Variants in CCM2 observed in about 807,000 individuals in gnomAD.
CCM2 encodes cerebral cavernous malformations 2 protein.
CCM2 carries 25 observed loss-of-function variants against 44.9 expected under a neutral mutation model. The observed-to-expected ratio is 0.56, with a 90% CI of 0.41 to 0.78. The LOEUF is 0.78. Ranked by LOEUF, CCM2 falls within the 30% of genes least tolerant of loss-of-function variation. The pLI is 0.00. For missense variants in CCM2, 481 were observed against 580.6 expected, an observed-to-expected ratio of 0.83 and a Z score of 1.76; for synonymous variants, 219 against 241.1, an observed-to-expected ratio of 0.91 and a Z score of 0.85.
intron 1 of CCM2, among the ~76,000 whole-genome samples, chr7:45,022,581 C>CA (rs1423804014): frequency 6.6e-6 from 1 of 151,972 alleles, no homozygotes; most frequent in African/African-American, 2.4e-5. Context: ...GCTGGGATTA[C>CA]AGGCATGAGC....
chr7:45,012,995 A>G (rs370560202), intron 1 of CCM2, among the ~76,000 whole-genome samples: 25 of 152,300 alleles, frequency 1.6e-4, no homozygotes, highest in South Asian at 1.5e-3. Context: ...TGAAGTTTAC[A>G]TAATTGATGT....
chr7:45,069,546 C>T (rs17172336), intron 5 of CCM2, among the ~76,000 whole-genome samples: 5,289 of 152,296 alleles, frequency 0.035, 311 homozygotes, highest in African/African-American at 0.12. Flanking sequence ...GGAAAGAAGA[C>T]GTTGGACTGG....
At chr7:45,031,428 G>A (rs1796965022) in intron 1 of CCM2, among the ~76,000 whole-genome samples, 1 of 151,640 alleles carries the variant, frequency 6.6e-6, no homozygotes, top group African/African-American at 2.4e-5. Context: ...CACTTAGGCT[G>A]GAGTGCAGCG....
chr7:45,038,499 C>G (rs1012138745), intron 2 of CCM2, 73 bp downstream of exon 2: 15 of 1,504,886 alleles, frequency 1.0e-5, no homozygotes, highest in Admixed American at 5.0e-5. Context: ...ACCAGACACT[C>G]TTGAGTTTAT....
chr7:45,046,834 A>G (rs33999404), intron 2 of CCM2, among the ~76,000 whole-genome samples: 4,832 of 152,282 alleles, frequency 0.032, 116 homozygotes, highest in South Asian at 0.14. Flanking sequence ...TATCTGACAG[A>G]GGGTTGGTAT....
At chr7:45,023,240 T>A (rs1310017630) in intron 1 of CCM2, among the ~76,000 whole-genome samples, 1 of 152,144 alleles carries the variant, frequency 6.6e-6, no homozygotes, top group Admixed American at 6.5e-5. Flanking sequence ...ACTTCTTTTT[T>A]TAAATGTTCT....
At chr7:45,050,727 G>T (rs1247942656) in intron 2 of CCM2, among the ~76,000 whole-genome samples, 2 of 152,126 alleles carry the variant, frequency 1.3e-5, no homozygotes. Context: ...CTTTGCAGTA[G>T]CTCTCAGTGT....
chr7:45,072,995 C>T, intron 7 of CCM2: 1 of 652,656 alleles, frequency 1.5e-6, no homozygotes, highest in Non-Finnish European at 2.8e-6. Flanking sequence ...CCTCTTGTCT[C>T]TCCCTGCCTA....
In CCM2 at chr7:45,063,911, C is replaced by G. The variant is rs766343701; in HGVS notation, c.205-7C>G. On this transcript the variant is annotated splice_region_variant and splice_polypyrimidine_tract_variant and intron_variant, in intron 2 of 9. Coordinates refer to ENST00000258781, the MANE Select transcript of CCM2 (RefSeq NM_031443.4). ...CTCATGGCATTTTTTTCTTCACTTTCTTTCAGTATTTAGGTCAGTTAACGT... is the reference window on the plus strand; with the variant it reads ...CTCATGGCATTTTTTTCTTCACTTTGTTTCAGTATTTAGGTCAGTTAACGT... The G allele has an allele frequency of 8.8e-6, 14 of 1,599,112 alleles. No homozygotes were observed. Among genetic ancestry groups the G allele is most frequent in the Non-Finnish European group, 1.1e-5 (13 of 1,166,412 alleles).
intron 2 of CCM2, among the ~76,000 whole-genome samples, chr7:45,061,459 T>TCTTTC (rs200272728): frequency 1.0e-4 from 15 of 146,354 alleles, no homozygotes; most frequent in African/African-American, 3.0e-4. Context: ...TTTCTTTCTT[T>TCTTTC]TTTTTTTTTT....
intron 6 of CCM2, 88 bp downstream of exon 6, chr7:45,070,049 G>T: frequency 1.3e-6 from 2 of 1,524,834 alleles, no homozygotes; most frequent in Non-Finnish European, 1.8e-6. Flanking sequence ...GTTACTCCTG[G>T]AATAGCGCAG....
chr7:45,000,820 A>G (rs956145473), intron 1 of CCM2, among the ~76,000 whole-genome samples: 3 of 152,230 alleles, frequency 2.0e-5, no homozygotes, highest in Admixed American at 1.3e-4. Context: ...ACTCAGACCT[A>G]AAACCATTGA....
chr7:45,074,097 A>G (rs746866957), intron 8 of CCM2, 173 bp from the exon 9 acceptor site: 61 of 1,428,550 alleles, frequency 4.3e-5, no homozygotes, highest in Admixed American at 1.5e-4. Flanking sequence ...GCCCCGTGCC[A>G]GGTCTGGTAG....
intron 1 of CCM2, among the ~76,000 whole-genome samples, chr7:45,019,521 C>G (rs1448993231): frequency 6.6e-6 from 1 of 152,078 alleles, no homozygotes; most frequent in Admixed American, 6.6e-5. Context: ...CTGATTAAGC[C>G]CCTTTAACTT....
Position 45,005,575 on chromosome 7 carries a change from A to G in CCM2, c.30+5212A>G, listed in dbSNP as rs527915841. 1.8e-3 allele frequency among the ~76,000 whole-genome samples: 267 copies of G among 152,262 alleles called. 2 individuals are homozygous for G. The highest frequency in any genetic ancestry group is 0.01 in the Middle Eastern group (3 of 294). On this transcript the variant is annotated intron_variant, in intron 1 of 9. Transcript: ENST00000258781. ...CACTTTGCAGTGTAAGTAAATGGTC[A>G]TGATTAAGTCCTATAAACCTAACTA...
intron 1 of CCM2, chr7:45,027,833 AATG>A: frequency 6.2e-7 from 1 of 1,609,216 alleles, no homozygotes; most frequent in Non-Finnish European, 8.5e-7. Context: ...CGCCATTTAG[AATG>A]ATGATGGTGT....
At chr7:45,075,318 G>A (rs1421193807) in intron 9 of CCM2, among the ~76,000 whole-genome samples, 1 of 152,254 alleles carries the variant, frequency 6.6e-6, no homozygotes, top group African/African-American at 2.4e-5. Context: ...CAGTCACCTA[G>A]GTCATGGCAG....
rs1353015244 is a variant in CCM2 at position 45,076,040 on chromosome 7, G to A, written c.1318G>A (p.Asp440Asn). Residue 440 changes from aspartate (D) to asparagine (N), a missense_variant, in exon 10 of 10, where the codon GAC (aspartate) becomes AAC (asparagine). Transcript: ENST00000258781. ...CATTGAGGCGCTGGGCTGCAGCATG[G>A]ACCAGGACTCAGCATGATGGACAGT... is the stretch of plus-strand genomic sequence containing the variant. ...SDIEALGCSM[D>N]QDSA The A allele has an allele frequency of 2.5e-6, 4 of 1,612,882 alleles. No individual in the cohort carries two copies. The highest frequency in any genetic ancestry group is 3.4e-6 in the Non-Finnish European group (4 of 1,180,032).
chr7:45,036,725 G>A (rs1797235118), intron 1 of CCM2, among the ~76,000 whole-genome samples: 1 of 152,172 alleles, frequency 6.6e-6, no homozygotes, highest in African/African-American at 2.4e-5. Context: ...TTTTATATTG[G>A]ATTTTGCATA....
Sources: allele counts gnomAD v4.1 joint callset (sites outside exome capture counted in the v4.1 genomes callset), GRCh38; gene constraint gnomAD v4.1.1; transcripts MANE v1.5; gene names NCBI Gene and HGNC (gene_info 2026-07-23, HGNC 2026-07-21).